Variants in NMNAT2 observed in about 807,000 individuals in gnomAD.
NMNAT2 encodes nicotinamide/nicotinic acid mononucleotide adenylyltransferase 2.
NMNAT2 carries 11 observed loss-of-function variants against 41.6 expected under a neutral mutation model. That is an observed-to-expected ratio of 0.26 (90% confidence interval 0.17 to 0.44). NMNAT2 has a LOEUF of 0.44. Ranked by LOEUF, NMNAT2 falls within the 20% of genes least tolerant of loss-of-function variation. The probability of loss-of-function intolerance (pLI) is 1.00; values close to 1 mark genes in which losing one functional copy is unlikely to be tolerated. For synonymous variants in NMNAT2, 148 were observed against 151.2 expected, an observed-to-expected ratio of 0.98 and a Z score of 0.16; for missense variants, 288 against 407.7, an observed-to-expected ratio of 0.71 and a Z score of 2.53.
At chr1:183,311,436 G>A (rs1384291987) in intron 1 of NMNAT2, among the ~76,000 whole-genome samples, 1 of 152,124 alleles carries the variant, frequency 6.6e-6, no homozygotes, top group African/African-American at 2.4e-5. Flanking sequence ...AACAGTATTA[G>A]GTAATAATTA....
intron 1 of NMNAT2, among the ~76,000 whole-genome samples, chr1:183,347,325 G>A (rs1043789354): frequency 6.6e-6 from 1 of 152,112 alleles, no homozygotes; most frequent in African/African-American, 2.4e-5. Context: ...GCATGGTGGT[G>A]CATGCCTGTA....
chr1:183,362,093 C>T (rs1663318540), intron 1 of NMNAT2, among the ~76,000 whole-genome samples: 2 of 152,098 alleles, frequency 1.3e-5, no homozygotes, highest in South Asian at 2.1e-4. Flanking sequence ...CACCTGCCAC[C>T]ACGCCTGGCT....
intron 1 of NMNAT2, among the ~76,000 whole-genome samples, chr1:183,355,067 C>T (rs542620744): frequency 6.6e-6 from 1 of 152,354 alleles, no homozygotes; most frequent in East Asian, 1.9e-4. Flanking sequence ...CCCTGGCCCA[C>T]CCACTGCACT....
intron 1 of NMNAT2, among the ~76,000 whole-genome samples, chr1:183,401,829 A>G (rs1266492049): frequency 6.7e-6 from 1 of 149,544 alleles, no homozygotes; most frequent in East Asian, 2.0e-4. Context: ...GAAACCAAAC[A>G]CCACCTGTTC....
chr1:183,416,724 A>G (rs954160658), intron 1 of NMNAT2, among the ~76,000 whole-genome samples: 1 of 152,046 alleles, frequency 6.6e-6, no homozygotes, highest in African/African-American at 2.4e-5. Context: ...AAGTAGTTCT[A>G]TATTCTTTCC....
At chr1:183,356,172 T>A (rs1303417246) in intron 1 of NMNAT2, among the ~76,000 whole-genome samples, 2 of 152,220 alleles carry the variant, frequency 1.3e-5, no homozygotes, top group African/African-American at 4.8e-5. Flanking sequence ...TTTTTCCAAT[T>A]TACAGATTTT....
chr1:183,336,554 T>C (rs1444433223), intron 1 of NMNAT2, among the ~76,000 whole-genome samples: 1 of 152,194 alleles, frequency 6.6e-6, no homozygotes, highest in Admixed American at 6.5e-5. Flanking sequence ...TTAAAAAGAC[T>C]GACATTACCA....
chr1:183,330,267 C>T (rs1662554289), intron 1 of NMNAT2, among the ~76,000 whole-genome samples: 1 of 152,218 alleles, frequency 6.6e-6, no homozygotes, highest in African/African-American at 2.4e-5. Flanking sequence ...CAGTGCCTGG[C>T]ACACAGTACA....
At chr1:183,407,183 G>T (rs992538077) in intron 1 of NMNAT2, among the ~76,000 whole-genome samples, 1 of 152,180 alleles carries the variant, frequency 6.6e-6, no homozygotes, top group Non-Finnish European at 1.5e-5. Context: ...CCATGCACCC[G>T]CCTGAAGTGT....
intron 1 of NMNAT2, among the ~76,000 whole-genome samples, chr1:183,398,885 C>G (rs573905072): frequency 2.0e-5 from 3 of 152,120 alleles, no homozygotes; most frequent in African/African-American, 7.2e-5. Context: ...CACAACATAC[C>G]AGAATCTCTG....
chr1:183,369,435 C>A (rs1663485354), intron 1 of NMNAT2, among the ~76,000 whole-genome samples: 1 of 151,900 alleles, frequency 6.6e-6, no homozygotes, highest in Non-Finnish European at 1.5e-5. Context: ...CACCACCATG[C>A]CCAGCTAATC....
At chr1:183,340,656 TG>T (rs1662779045) in intron 1 of NMNAT2, among the ~76,000 whole-genome samples, 2 of 152,300 alleles carry the variant, frequency 1.3e-5, no homozygotes, top group East Asian at 3.9e-4. Flanking sequence ...GACAGCAGAC[TG>T]GGAAGCTTTG....
At chr1:183,269,073 A>T (rs1421525295) in intron 8 of NMNAT2, among the ~76,000 whole-genome samples, 4 of 152,152 alleles carry the variant, frequency 2.6e-5, no homozygotes, top group Non-Finnish European at 5.9e-5. Context: ...CTGTCTCTGA[A>T]AAATAAATAA....
Position 183,347,893 on chromosome 1 carries a change from G to A in NMNAT2, c.86-54100C>T, listed in dbSNP as rs560866993. 2.0e-5 allele frequency among the ~76,000 whole-genome samples: 3 copies of A among 152,242 alleles called. No individual in the cohort carries two copies. In the East Asian group the frequency reaches 5.8e-4, roughly 29 times the overall value. The stretch of plus-strand genomic sequence containing the variant: ...ATGCCAACACTCTGAGTGAGCACAT[G>A]TCCTCCTTAGAAACTCAGTTCCCTT... On this transcript the variant is annotated intron_variant, in intron 1 of 10. Transcript: ENST00000287713.
intron 1 of NMNAT2, among the ~76,000 whole-genome samples, chr1:183,336,687 T>G (rs148511072): frequency 2.0e-5 from 3 of 152,318 alleles, no homozygotes; most frequent in Non-Finnish European, 4.4e-5. Flanking sequence ...ACCAGATGAT[T>G]CAGCAATTCT....
At chr1:183,393,712 C>G (rs142252896) in intron 1 of NMNAT2, among the ~76,000 whole-genome samples, 1 of 152,060 alleles carries the variant, frequency 6.6e-6, no homozygotes, top group Non-Finnish European at 1.5e-5. Context: ...CACACCACCA[C>G]GCCCGGCTAA....
intron 1 of NMNAT2, among the ~76,000 whole-genome samples, chr1:183,394,072 T>C (rs1193650328): frequency 2.0e-5 from 3 of 151,938 alleles, no homozygotes; most frequent in African/African-American, 7.3e-5. Flanking sequence ...GAGATAGAGG[T>C]TGATGAGAAG....
At chr1:183,274,776 A>G (rs1444282809) in intron 8 of NMNAT2, among the ~76,000 whole-genome samples, 2 of 151,836 alleles carry the variant, frequency 1.3e-5, no homozygotes, top group Non-Finnish European at 2.9e-5. Context: ...TAAAAAAAAA[A>G]AAAAGAAAAA....
rs1333336289 is a variant in NMNAT2 at position 183,249,145 on chromosome 1, G to A, written c.*3496C>T. On this transcript the variant is annotated 3_prime_UTR_variant, in exon 11 of 11. Coordinates refer to ENST00000287713, the MANE Select transcript of NMNAT2 (RefSeq NM_015039.4). ...TGAGACAGGAAGAACGGCGTCTCTA[G>A]AAGCTCTAGCTTTGGGTTTCAGGCA... 1.3e-5 allele frequency: 2 copies of A among 152,216 alleles called. No homozygotes were observed. Among genetic ancestry groups the A allele is most frequent in the Non-Finnish European group, 2.9e-5 (2 of 68,046 alleles). 9.4% of individuals were successfully genotyped at this position (152,216 alleles called of 1,614,324 possible).
Sources: allele counts gnomAD v4.1 joint callset (sites outside exome capture counted in the v4.1 genomes callset), GRCh38; gene constraint gnomAD v4.1.1; transcripts MANE v1.5; gene names NCBI Gene and HGNC (gene_info 2026-07-23, HGNC 2026-07-21).